Variants in KCNQ5 observed in about 807,000 individuals in gnomAD.
The protein encoded by KCNQ5 is potassium voltage-gated channel subfamily KQT member 5.
KCNQ5 carries 30 observed loss-of-function variants against 98.2 expected under a neutral mutation model. That is an observed-to-expected ratio of 0.31 (90% confidence interval 0.23 to 0.41). The LOEUF (loss-of-function observed/expected upper bound fraction) is 0.41, where lower values mean the gene tolerates loss of function less well. KCNQ5 is among the 10% of genes least tolerant of loss of function. The pLI is 1.00. For synonymous variants in KCNQ5, 458 were observed against 449.4 expected, an observed-to-expected ratio of 1.02 and a Z score of -0.24; for missense variants, 835 against 1,182.5, an observed-to-expected ratio of 0.71 and a Z score of 4.31.
intron 1 of KCNQ5, among the ~76,000 whole-genome samples, chr6:72,674,501 C>A (rs912198178): frequency 6.6e-6 from 1 of 152,018 alleles, no homozygotes; most frequent in Non-Finnish European, 1.5e-5. Context: ...CCGGGTATGG[C>A]GGCTCACACG....
At chr6:73,089,850 T>C (rs1340778068) in intron 5 of KCNQ5, among the ~76,000 whole-genome samples, 2 of 152,198 alleles carry the variant, frequency 1.3e-5, no homozygotes, top group Non-Finnish European at 2.9e-5. Flanking sequence ...ATTTTTGCAA[T>C]TGTGAATTGC....
intron 2 of KCNQ5, among the ~76,000 whole-genome samples, chr6:73,005,183 C>T (rs1178336065): frequency 6.6e-6 from 1 of 152,152 alleles, no homozygotes; most frequent in Non-Finnish European, 1.5e-5. Flanking sequence ...CGTTTCAAAG[C>T]CCAAGGTAGA....
intron 1 of KCNQ5, among the ~76,000 whole-genome samples, chr6:72,632,066 A>G (rs1469397320): frequency 1.3e-5 from 2 of 152,008 alleles, no homozygotes; most frequent in Non-Finnish European, 2.9e-5. Flanking sequence ...TGAGAGCCAC[A>G]CATGCTTAGC....
At chr6:72,746,282 A>G (rs558285723) in intron 1 of KCNQ5, among the ~76,000 whole-genome samples, 235 of 152,206 alleles carry the variant, frequency 1.5e-3, no homozygotes, top group Non-Finnish European at 2.4e-3. Context: ...CATCAAGATT[A>G]TTCCCCTTGC....
At chr6:72,744,382 T>C (rs964598287) in intron 1 of KCNQ5, among the ~76,000 whole-genome samples, 1 of 152,258 alleles carries the variant, frequency 6.6e-6, no homozygotes, top group Non-Finnish European at 1.5e-5. Context: ...TGTACTGCCA[T>C]CTACTTCTCA....
chr6:72,895,677 A>G (rs950587413), intron 1 of KCNQ5, among the ~76,000 whole-genome samples: 7 of 149,202 alleles, frequency 4.7e-5, no homozygotes, highest in Admixed American at 1.3e-4. Context: ...TAGAGTCAAC[A>G]TATATTATAT....
intron 1 of KCNQ5, among the ~76,000 whole-genome samples, chr6:72,979,189 C>T (rs1768307238): frequency 6.6e-6 from 1 of 152,188 alleles, no homozygotes; most frequent in Non-Finnish European, 1.5e-5. Context: ...TGGGTATATA[C>T]CCAGTAATGG....
chr6:72,642,302 T>C (rs1402180161), intron 1 of KCNQ5, among the ~76,000 whole-genome samples: 1 of 152,014 alleles, frequency 6.6e-6, no homozygotes, highest in Non-Finnish European at 1.5e-5. Context: ...CAGACACTTT[T>C]CTTTTTAAAT....
rs567288915 is a variant in KCNQ5 at position 73,183,658 on chromosome 6, CTT to C, written c.1578-6914_1578-6913del. 9.9e-5 allele frequency among the ~76,000 whole-genome samples: 15 copies of C among 152,276 alleles called. No individual in the cohort carries two copies. In the East Asian group the frequency reaches 2.5e-3, roughly 25 times the overall value. ...AAATACTCAGAGATGCTTTCTCAAA[CTT>C]AGCTTGGACACAAATTTTCCTCTCT... On this transcript the variant is annotated intron_variant, in intron 11 of 13. Transcript: ENST00000370398.
At chr6:72,858,544 A>G (rs1777623619) in intron 1 of KCNQ5, among the ~76,000 whole-genome samples, 1 of 151,740 alleles carries the variant, frequency 6.6e-6, no homozygotes, top group Non-Finnish European at 1.5e-5. Flanking sequence ...AACCTTCGAA[A>G]TGTGATTTTT....
intron 1 of KCNQ5, among the ~76,000 whole-genome samples, chr6:72,810,877 A>G (rs752605441): frequency 7.2e-5 from 11 of 152,196 alleles, no homozygotes; most frequent in Non-Finnish European, 1.5e-4. Context: ...AGTATCTTTT[A>G]ATCTGTCTGT....
chr6:72,712,015 C>G (rs1769394917), intron 1 of KCNQ5, among the ~76,000 whole-genome samples: 1 of 152,054 alleles, frequency 6.6e-6, no homozygotes. Context: ...GTGTAGTAAT[C>G]AAAATATGCT....
At chr6:72,890,398 A>G (rs1350035983) in intron 1 of KCNQ5, among the ~76,000 whole-genome samples, 1 of 152,158 alleles carries the variant, frequency 6.6e-6, no homozygotes, top group Non-Finnish European at 1.5e-5. Flanking sequence ...GAACTTACTC[A>G]TCTGGTATGA....
intron 1 of KCNQ5, among the ~76,000 whole-genome samples, chr6:72,787,899 T>C (rs1384899327): frequency 1.3e-5 from 2 of 152,258 alleles, no homozygotes; most frequent in Non-Finnish European, 2.9e-5. Context: ...TTTATGTCTG[T>C]TCTGAGTCAC....
intron 1 of KCNQ5, among the ~76,000 whole-genome samples, chr6:72,841,896 A>G (rs1345584402): frequency 6.6e-6 from 1 of 152,194 alleles, no homozygotes; most frequent in Non-Finnish European, 1.5e-5. Flanking sequence ...AACATGTACC[A>G]AAAAGATGAT....
intron 1 of KCNQ5, among the ~76,000 whole-genome samples, chr6:72,816,110 G>C (rs568163436): frequency 1.3e-5 from 2 of 152,178 alleles, no homozygotes; most frequent in African/African-American, 4.8e-5. Flanking sequence ...ACTTTGGAAA[G>C]CTGCAGAAGT....
chr6:73,043,726 C>T (rs1312260034), intron 3 of KCNQ5, among the ~76,000 whole-genome samples: 1 of 152,186 alleles, frequency 6.6e-6, no homozygotes, highest in African/African-American at 2.4e-5. Flanking sequence ...GATTTTAAAA[C>T]CAATTAAAAA....
chr6:72,976,204 T>C (rs983150616), intron 1 of KCNQ5, among the ~76,000 whole-genome samples: 2 of 152,252 alleles, frequency 1.3e-5, no homozygotes, highest in African/African-American at 4.8e-5. Flanking sequence ...TCAGATAATG[T>C]AATGGTTATT....
intron 1 of KCNQ5, among the ~76,000 whole-genome samples, chr6:72,640,328 G>A (rs573020236): frequency 6.1e-5 from 9 of 148,148 alleles, no homozygotes; most frequent in African/African-American, 2.2e-4. Flanking sequence ...TTATATAATT[G>A]CTGGGCAAAA....
Sources: gnomAD v4.1 joint callset for allele counts (sites outside exome capture counted in the v4.1 genomes callset) on GRCh38, gnomAD v4.1.1 for gene constraint, MANE v1.5 for transcripts, NCBI Gene and HGNC (gene_info 2026-07-23, HGNC 2026-07-21) for gene names.